The following MDGA2 variants were observed in gnomAD, a reference collection of about 807,000 sequenced individuals.
MDGA2 encodes the protein MAM domain-containing glycosylphosphatidylinositol anchor protein 2.
MDGA2 carries 40 observed loss-of-function variants against 117.8 expected under a neutral mutation model. The ratio of observed to expected loss-of-function variants is 0.34; its 90% CI spans 0.26 to 0.44. The LOEUF (loss-of-function observed/expected upper bound fraction) is 0.44, where lower values mean the gene tolerates loss of function less well. MDGA2 is among the 20% of genes least tolerant of loss of function. MDGA2 has a pLI of 1.00. For missense variants in MDGA2, 1,123 were observed against 1,250.6 expected (o/e 0.90, Z 1.54); for synonymous variants, 452 against 439.0 (o/e 1.03, Z -0.37).
intron 10 of MDGA2, among the ~76,000 whole-genome samples, chr14:46,883,482 T>C (rs542863038): frequency 6.6e-6 from 1 of 152,168 alleles, no homozygotes; most frequent in Non-Finnish European, 1.5e-5. Context: ...GGATGCTTTA[T>C]TTTTAATGCT....
intron 1 of MDGA2, among the ~76,000 whole-genome samples, chr14:47,339,490 C>A (rs866487765): frequency 4.5e-4 from 69 of 151,954 alleles, no homozygotes; most frequent in Middle Eastern, 3.2e-3. Flanking sequence ...GGCAGATTCC[C>A]TCATGAATGG....
At chr14:47,220,818 T>C (rs1886270946) in intron 2 of MDGA2, among the ~76,000 whole-genome samples, 2 of 152,180 alleles carry the variant, frequency 1.3e-5, no homozygotes, top group Non-Finnish European at 2.9e-5. Flanking sequence ...CCACATTTAC[T>C]GAAAAAGGTG....
intron 9 of MDGA2, among the ~76,000 whole-genome samples, chr14:46,931,951 C>CA (rs5808369): frequency 0.94 from 143,249 of 152,168 alleles, 67,509 homozygotes; most frequent in East Asian, 0.99. Context: ...CATAGAATAT[C>CA]AAAAATATCG....
intron 1 of MDGA2, among the ~76,000 whole-genome samples, chr14:47,625,596 T>G (rs1897125904): frequency 6.6e-6 from 1 of 152,188 alleles, no homozygotes; most frequent in Admixed American, 6.5e-5. Flanking sequence ...ATATAAAGAT[T>G]CACATGAAAC....
chr14:47,494,321 A>G (rs1736479940), intron 1 of MDGA2, among the ~76,000 whole-genome samples: 1 of 152,192 alleles, frequency 6.6e-6, no homozygotes, highest in African/African-American at 2.4e-5. Flanking sequence ...TATAAACTTA[A>G]TCTTCCTGAA....
chr14:47,521,892 G>A (rs1368481648), intron 1 of MDGA2, among the ~76,000 whole-genome samples: 3 of 151,970 alleles, frequency 2.0e-5, no homozygotes, highest in Non-Finnish European at 2.9e-5. Context: ...GGCTGGTTTC[G>A]AACTCCTGAC....
At chr14:47,075,304 A>G (rs1890450491) in intron 6 of MDGA2, among the ~76,000 whole-genome samples, 1 of 152,172 alleles carries the variant, frequency 6.6e-6, no homozygotes, top group Non-Finnish European at 1.5e-5. Context: ...GGTACTTCAT[A>G]TTGCTGTCTT....
At chr14:47,407,814 C>G (rs530080202) in intron 1 of MDGA2, among the ~76,000 whole-genome samples, 1 of 152,090 alleles carries the variant, frequency 6.6e-6, no homozygotes, top group South Asian at 2.1e-4. Context: ...GCTAAAAAGG[C>G]CTCCCTTCAG....
chr14:46,886,529 G>A (rs994150776), intron 10 of MDGA2, among the ~76,000 whole-genome samples: 2 of 151,986 alleles, frequency 1.3e-5, no homozygotes, highest in East Asian at 1.9e-4. Flanking sequence ...AATAGGTTAG[G>A]AGAGTGCAAG....
At chr14:46,870,062 G>A (rs1305877463) in intron 14 of MDGA2, among the ~76,000 whole-genome samples, 1 of 151,962 alleles carries the variant, frequency 6.6e-6, no homozygotes, top group Non-Finnish European at 1.5e-5. Context: ...AGCTATACTT[G>A]TATTGACCCA....
At chr14:47,622,346 T>C (rs138659740) in intron 1 of MDGA2, among the ~76,000 whole-genome samples, 10 of 152,234 alleles carry the variant, frequency 6.6e-5, no homozygotes, top group Non-Finnish European at 1.2e-4. Flanking sequence ...GAGACAACTG[T>C]GAAGGGGGCA....
chr14:47,283,769 C>G (rs1351035906), intron 2 of MDGA2, among the ~76,000 whole-genome samples: 1 of 152,104 alleles, frequency 6.6e-6, no homozygotes. Flanking sequence ...CAAAAATTAA[C>G]CACCAGCTTT....
At chr14:47,282,495 C>G (rs1350490107) in intron 2 of MDGA2, among the ~76,000 whole-genome samples, 4 of 148,558 alleles carry the variant, frequency 2.7e-5, no homozygotes, top group Admixed American at 2.0e-4. Context: ...CTGGCTAACA[C>G]GGTGAAACCC....
At chr14:46,996,111 T>C (rs982956769) in intron 8 of MDGA2, among the ~76,000 whole-genome samples, 1 of 152,136 alleles carries the variant, frequency 6.6e-6, no homozygotes, top group Non-Finnish European at 1.5e-5. Context: ...CTGGGAGATA[T>C]GAGATAAGTG....
intron 1 of MDGA2, among the ~76,000 whole-genome samples, chr14:47,507,594 A>G (rs1894541543): frequency 6.6e-6 from 1 of 152,222 alleles, no homozygotes; most frequent in East Asian, 1.9e-4. Context: ...CATGTTGGCT[A>G]TAAATTATCA....
intron 16 of MDGA2, among the ~76,000 whole-genome samples, chr14:46,845,262 T>G (rs1316782063): frequency 2.6e-5 from 4 of 152,148 alleles, no homozygotes; most frequent in South Asian, 2.1e-4. Flanking sequence ...GTACTCTGCT[T>G]CCCCTTCACC....
At chr14:47,242,360 A>G (rs1400923503) in intron 2 of MDGA2, among the ~76,000 whole-genome samples, 1 of 151,850 alleles carries the variant, frequency 6.6e-6, no homozygotes, top group Admixed American at 6.6e-5. Flanking sequence ...GGAGCCCTTC[A>G]GCCCCCCACT....
At chr14:47,241,508 T>C (rs1007428628) in intron 2 of MDGA2, among the ~76,000 whole-genome samples, 2 of 151,932 alleles carry the variant, frequency 1.3e-5, no homozygotes, top group African/African-American at 4.8e-5. Flanking sequence ...TTGTAAAAAT[T>C]TGTTAATTTT....
At chr14:47,619,953 T>C (rs2138924837) in intron 1 of MDGA2, among the ~76,000 whole-genome samples, 2 of 152,356 alleles carry the variant, frequency 1.3e-5, no homozygotes, top group South Asian at 4.1e-4. Context: ...AGCCATCCAC[T>C]TGATTCCGAT....
Sources: gnomAD v4.1 joint callset for allele counts (sites outside exome capture counted in the v4.1 genomes callset) on GRCh38, gnomAD v4.1.1 for gene constraint, MANE v1.5 for transcripts, NCBI Gene and HGNC (gene_info 2026-07-23, HGNC 2026-07-21) for gene names.